The following IPO8 variants were observed in gnomAD, a reference collection of about 807,000 sequenced individuals.
IPO8 encodes the protein importin-8.
A neutral mutation model predicts 141.2 loss-of-function variants in IPO8; 65 were observed. That is an observed-to-expected ratio of 0.46 (90% CI 0.38 to 0.57). The LOEUF (loss-of-function observed/expected upper bound fraction) is 0.57, where lower values mean the gene tolerates loss of function less well. Among genes scored for constraint, IPO8 ranks in the 20% least tolerant of loss-of-function variants. The pLI, the probability that IPO8 is intolerant of heterozygous loss-of-function variation, is 0.00. For synonymous variants in IPO8, 411 were observed against 420.3 expected, an observed-to-expected ratio of 0.98 and a Z score of 0.27; for missense variants, 980 against 1,246.8, an observed-to-expected ratio of 0.79 and a Z score of 3.22.
chr12:30,682,349 G>A (rs1178954747), intron 3 of IPO8, among the ~76,000 whole-genome samples: 1 of 152,118 alleles, frequency 6.6e-6, no homozygotes, highest in Non-Finnish European at 1.5e-5. Flanking sequence ...AAAGCAGTCT[G>A]AGATACTAAT....
chr12:30,643,199 C>T (rs572933634), intron 20 of IPO8, among the ~76,000 whole-genome samples: 1 of 152,256 alleles, frequency 6.6e-6, no homozygotes, highest in Non-Finnish European at 1.5e-5. Context: ...GAGAGACCAC[C>T]AGACATACTG....
At chr12:30,647,954 A>G (rs1206538011) in intron 20 of IPO8, among the ~76,000 whole-genome samples, 1 of 152,226 alleles carries the variant, frequency 6.6e-6, no homozygotes, top group African/African-American at 2.4e-5. Flanking sequence ...CACAAATGAA[A>G]TAAGTGCTGG....
In IPO8 at chr12:30,681,821, C is replaced by A. The variant is rs1420552378; in HGVS notation, c.324-4G>T. The A allele has an allele frequency of 6.2e-7, 1 of 1,604,308 alleles. No homozygotes were observed. The highest frequency in any genetic ancestry group is 1.7e-4 in the Middle Eastern group (1 of 6,010). ...GAGACACATTGTTAATTGGACTCTA[C>A]AAAGTAGGGAAGAAAAGTCCAAAAT... On this transcript the variant is annotated splice_polypyrimidine_tract_variant and splice_region_variant and intron_variant, in intron 3 of 24. Transcript: ENST00000256079.
At chr12:30,655,205 A>G (rs1172774800) in intron 17 of IPO8, among the ~76,000 whole-genome samples, 1 of 152,138 alleles carries the variant, frequency 6.6e-6, no homozygotes, top group Non-Finnish European at 1.5e-5. Context: ...CGTATTCATC[A>G]TTATTGTATC....
chr12:30,660,307 A>T (rs977739128), intron 16 of IPO8, among the ~76,000 whole-genome samples: 1 of 152,222 alleles, frequency 6.6e-6, no homozygotes, highest in Non-Finnish European at 1.5e-5. Flanking sequence ...ATCAGTGCCA[A>T]ACAAGTCAAC....
At chr12:30,674,536 G>C in intron 7 of IPO8, 123 bp downstream of exon 7, 1 of 729,148 alleles carries the variant, frequency 1.4e-6, no homozygotes. Flanking sequence ...CAAAGCCAAT[G>C]ATTAAAATTA....
intron 10 of IPO8, among the ~76,000 whole-genome samples, chr12:30,666,943 G>C (rs991615904): frequency 4.6e-5 from 7 of 152,162 alleles, no homozygotes; most frequent in African/African-American, 1.7e-4. Context: ...AGCAGGTTTT[G>C]TTGAATATAT....
rs569301759 is a variant in IPO8 at position 30,637,474 on chromosome 12, G to A, written c.2490-287C>T. 4.2e-4 allele frequency among the ~76,000 whole-genome samples: 64 copies of A among 152,270 alleles called. 1 individual carries two copies. The South Asian group carries it at 8.7e-3, about 21-fold the overall frequency. On this transcript the variant is annotated intron_variant, in intron 21 of 24. Coordinates refer to ENST00000256079, the MANE Select transcript of IPO8 (RefSeq NM_006390.4). Reference sequence around the variant, plus strand: ...TTATATATGGGCCTCGGCATAAGGAGTTTTAATAAAGCAGAAATACCTATA... The same window carrying A: ...TTATATATGGGCCTCGGCATAAGGAATTTTAATAAAGCAGAAATACCTATA...
In IPO8 at chr12:30,684,377, T is replaced by C. The variant is rs975327991; in HGVS notation, c.247A>G (p.Asn83Asp). Residue 83 changes from asparagine to aspartate, a missense_variant, in exon 3 of 25, where the codon AAC (asparagine) becomes GAC (aspartate). Physicochemically the swap from Asn to Asp is conservative, Grantham distance 23. Coordinates refer to ENST00000256079, the MANE Select transcript of IPO8 (RefSeq NM_006390.4). ...TGCTGGCGATCGTTTTCGTGAATGTTGAATGGAAATATTGCTTCTCCTGGT... is the reference window on the plus strand; with the variant it reads ...TGCTGGCGATCGTTTTCGTGAATGTCGAATGGAAATATTGCTTCTCCTGGT... ...PPPGEAIFPF[N>D]IHENDRQQIR... 2 of 1,614,152 alleles carry C rather than the reference T, an allele frequency of 1.2e-6. No individual in the cohort carries two copies. The highest frequency in any genetic ancestry group is 1.7e-6 in the Non-Finnish European group (2 of 1,180,014).
intron 2 of IPO8, among the ~76,000 whole-genome samples, chr12:30,688,199 C>T (rs574790747): frequency 1.3e-5 from 2 of 152,110 alleles, no homozygotes; most frequent in South Asian, 2.1e-4. Flanking sequence ...CTTCCTTCAC[C>T]GCACATGATA....
intron 10 of IPO8, among the ~76,000 whole-genome samples, chr12:30,668,711 A>T (rs1157844981): frequency 1.3e-5 from 2 of 152,232 alleles, no homozygotes; most frequent in Non-Finnish European, 2.9e-5. Flanking sequence ...AGTTAAAAGG[A>T]CACCCAAAGA....
Position 30,665,258 on chromosome 12 carries a change from G to T in IPO8, c.1390C>A (p.Pro464Thr). Residue 464 changes from proline (P) to threonine (T), a missense_variant, in exon 13 of 25, where the codon CCA becomes ACA. By Grantham distance (38) the Pro-to-Thr change is conservative. Around this residue, in one of 3 missense-constraint regions of IPO8, gnomAD observed 924 missense variants for 1,153.9 expected, o/e 0.80. Transcript: ENST00000256079. Reference sequence around the variant, plus strand: ...TATCCCAGGTTAGACAATAATAATGGAAATACATGATTTTGTAGAAACAGC... The same window carrying T: ...TATCCCAGGTTAGACAATAATAATGTAAATACATGATTTTGTAGAAACAGC... The part of the protein sequence containing the change: ...MELFLQNHVF[P>T]LLLSNLGYLR... The T allele has an allele frequency of 6.2e-7, 1 of 1,600,100 alleles. No individual in the cohort carries two copies. The highest frequency in any genetic ancestry group is 1.1e-5 in the South Asian group (1 of 89,572).
chr12:30,674,005 T>C lies in IPO8; in HGVS notation c.894A>G (p.Ala298=), dbSNP rs1453220271. The change falls in exon 8 of 25, where the codon GCA becomes GCG. Residue 298 remains alanine (A), a synonymous_variant. Coordinates refer to ENST00000256079, the MANE Select transcript of IPO8 (RefSeq NM_006390.4). ...AGTTTATTACCTGCTGAATGCCCAC[T>C]GCATAGGTTTTCAAAAAGAATTCAG... ...EFSEFFLKTY[A]VGIQQVLLKI... is the part of the protein sequence containing the mutation. 1 of 1,587,888 alleles carries C rather than the reference T, an allele frequency of 6.3e-7. No homozygotes were observed. Among genetic ancestry groups the C allele is most frequent in the African/African-American group, 1.3e-5 (1 of 74,644 alleles).
In IPO8 at chr12:30,639,612, G is replaced by A. The variant is rs2052549645; in HGVS notation, c.2392C>T (p.Leu798=). 1 of 1,614,038 alleles carries A rather than the reference G, an allele frequency of 6.2e-7. No homozygotes were observed. The highest frequency in any genetic ancestry group is 8.5e-7 in the Non-Finnish European group (1 of 1,179,924). The change falls in exon 21 of 25, where the codon CTA becomes TTA. Residue 798 remains leucine, a synonymous_variant. Transcript: ENST00000256079. ...AACTGAATTCGTTCTAAAGTATGTAGCAGCAAATCAGGGTTGTAGTACAAG... is the reference window on the plus strand; with the variant it reads ...AACTGAATTCGTTCTAAAGTATGTAACAGCAAATCAGGGTTGTAGTACAAG... ...AALYYNPDLL[L]HTLERIQLPH...
intron 10 of IPO8, among the ~76,000 whole-genome samples, chr12:30,666,668 T>C (rs551159887): frequency 6.6e-6 from 1 of 152,288 alleles, no homozygotes; most frequent in South Asian, 2.1e-4. Flanking sequence ...AAACACATTA[T>C]ACATATATAC....
chr12:30,664,366 T>C (rs1471781971), intron 13 of IPO8, among the ~76,000 whole-genome samples: 1 of 152,238 alleles, frequency 6.6e-6, no homozygotes, highest in Non-Finnish European at 1.5e-5. Flanking sequence ...ATTGTTAATA[T>C]ATGTTGTTTT....
intron 17 of IPO8, among the ~76,000 whole-genome samples, chr12:30,654,427 A>G (rs2052770633): frequency 6.6e-6 from 1 of 151,996 alleles, no homozygotes; most frequent in Non-Finnish European, 1.5e-5. Flanking sequence ...AACAATTCAC[A>G]GAACAGACAA....
chr12:30,691,749 A>T (rs974182979), intron 1 of IPO8, among the ~76,000 whole-genome samples: 2 of 152,344 alleles, frequency 1.3e-5, no homozygotes, highest in African/African-American at 4.8e-5. Context: ...TCATTTTTTT[A>T]AATTAAAATC....
intron 23 of IPO8, among the ~76,000 whole-genome samples, chr12:30,632,917 C>T (rs1249879425): frequency 6.6e-6 from 1 of 152,184 alleles, no homozygotes; most frequent in Non-Finnish European, 1.5e-5. Flanking sequence ...AGTCTTTAAG[C>T]AGTGGCCCCT....
Sources: gnomAD v4.1 joint callset for allele counts (sites outside exome capture counted in the v4.1 genomes callset) on GRCh38, gnomAD v4.1.1 for gene constraint, gnomAD v4.1.1 regional missense constraint, MANE v1.5 for transcripts, NCBI Gene and HGNC (gene_info 2026-07-23, HGNC 2026-07-21) for gene names.